SLC30A6: variants seen among roughly 807,000 people sequenced by gnomAD.
SLC30A6 encodes zinc transporter 6.
In SLC30A6, 55 loss-of-function variants were observed where a neutral mutation model predicts 63.0. The observed-to-expected ratio is 0.87, with a 90% CI of 0.70 to 1.09. The LOEUF (loss-of-function observed/expected upper bound fraction) is 1.09. Ranked by LOEUF, SLC30A6 falls within the 50% of genes least tolerant of loss-of-function variation. SLC30A6 has a pLI of 0.00. For missense variants in SLC30A6, 587 were observed against 549.2 expected (o/e 1.07, Z -0.69); for synonymous variants, 224 against 186.1 (o/e 1.20, Z -1.66).
intron 13 of SLC30A6, among the ~76,000 whole-genome samples, chr2:32,218,602 G>A (rs527467647): frequency 4.6e-5 from 7 of 152,132 alleles, no homozygotes; most frequent in African/African-American, 1.7e-4. Flanking sequence ...TGTCTCCCAG[G>A]CTGGAGTGCA....
rs199869061 is a variant in SLC30A6 at position 32,197,318 on chromosome 2, A to G, written c.497-26A>G. 4.3e-4 allele frequency: 687 copies of G among 1,593,316 alleles called. 1 individual carries two copies. Among genetic ancestry groups the G allele is most frequent in the South Asian group, 8.1e-4 (71 of 87,616 alleles). On this transcript the variant is annotated intron_variant, in intron 8 of 13. Coordinates refer to ENST00000282587, the MANE Select transcript of SLC30A6 (RefSeq NM_017964.5). ...AGTGGTTTTTTTTTCTTCTATATAG[A>G]TAATTTAAGTATTTTCTTCTTAAAG...
intron 13 of SLC30A6, among the ~76,000 whole-genome samples, chr2:32,215,512 ATATATT>A (rs1365815464): frequency 1.1e-5 from 1 of 88,502 alleles, no homozygotes; most frequent in African/African-American, 4.4e-5. Context: ...ATATATATAT[ATATATT>A]TTTTTTTTTT....
intron 4 of SLC30A6, among the ~76,000 whole-genome samples, chr2:32,180,558 G>A (rs1028910945): frequency 6.6e-5 from 10 of 151,994 alleles, no homozygotes; most frequent in Admixed American, 1.3e-4. Context: ...TTAGCCGCCC[G>A]AGTAGCTGGG....
At chr2:32,198,102 G>A (rs1016717144) in intron 10 of SLC30A6, among the ~76,000 whole-genome samples, 5 of 152,186 alleles carry the variant, frequency 3.3e-5, no homozygotes, top group African/African-American at 1.2e-4. Flanking sequence ...CAGTAAGAAA[G>A]AGATCTGAGC....
intron 13 of SLC30A6, 98 bp downstream of exon 13, chr2:32,209,659 T>G (rs1685084373): frequency 5.3e-6 from 5 of 938,910 alleles, no homozygotes; most frequent in Middle Eastern, 3.4e-4. Context: ...TTATAGAGCC[T>G]TTGATTCCTA....
chr2:32,201,455 A>T (rs1684286307), intron 10 of SLC30A6: 1 of 407,844 alleles, frequency 2.5e-6, no homozygotes. Flanking sequence ...GATAGATTCC[A>T]TTAGTCTTTC....
intron 5 of SLC30A6, among the ~76,000 whole-genome samples, chr2:32,187,967 A>G (rs898905617): frequency 6.6e-6 from 1 of 152,180 alleles, no homozygotes; most frequent in Non-Finnish European, 1.5e-5. Flanking sequence ...TTAAACCTGT[A>G]TCATATTATC....
At chr2:32,197,577 C>T (rs543754971) in intron 9 of SLC30A6, 130 bp from the exon 10 acceptor site, 887 of 1,401,076 alleles carry the variant, frequency 6.3e-4, no homozygotes, top group Non-Finnish European at 8.1e-4. Flanking sequence ...GGGCTTTGTT[C>T]ACAAATCCTC....
chr2:32,165,887 T>C lies in SLC30A6; in HGVS notation c.-14T>C, dbSNP rs376483259. On this transcript the variant is annotated 5_prime_UTR_variant, in exon 1 of 14. Coordinates refer to ENST00000282587, the MANE Select transcript of SLC30A6 (RefSeq NM_017964.5). ...CCAGAACGGCTTCCGGCGGGAGCTG[T>C]GCAGCTCCTTATCATGGTGAGTTGG... The C allele has an allele frequency of 9.9e-6, 16 of 1,614,038 alleles. No homozygotes were observed. The African/African-American group carries it at 1.7e-4, about 17-fold the overall frequency.
intron 12 of SLC30A6, among the ~76,000 whole-genome samples, chr2:32,208,398 T>G (rs1208615823): frequency 4.6e-5 from 7 of 152,168 alleles, no homozygotes; most frequent in African/African-American, 1.7e-4. Flanking sequence ...CCCAAAATGC[T>G]GGGATTACAG....
At chr2:32,174,700 C>A (rs765335238) in intron 3 of SLC30A6, among the ~76,000 whole-genome samples, 4 of 151,184 alleles carry the variant, frequency 2.6e-5, no homozygotes, top group Non-Finnish European at 4.4e-5. Context: ...ATTACAGGCA[C>A]GTACCACCAC....
intron 13 of SLC30A6, among the ~76,000 whole-genome samples, chr2:32,218,324 A>G (rs1396022847): frequency 6.6e-6 from 1 of 152,148 alleles, no homozygotes; most frequent in Admixed American, 6.5e-5. Flanking sequence ...CAAGTTAACA[A>G]ATATACTTCT....
At position 32,206,899 on chromosome 2, in the gene SLC30A6, A is replaced by G. The variant is rs1684821458; in HGVS notation, c.782A>G (p.His261Arg). The G allele has an allele frequency of 6.2e-7, 1 of 1,611,720 alleles. No individual in the cohort carries two copies. The highest frequency in any genetic ancestry group is 8.5e-7 in the Non-Finnish European group (1 of 1,177,932). ...ATTTTTCCCCAGACAACACCACCCC[A>G]TGTTATTGGTCAGTTGGACAAACTC... ...GKVLLQTTPP[H>R]VIGQLDKLIR... Residue 261 changes from histidine (H) to arginine (R), a missense_variant, in exon 12 of 14, where the codon CAT (histidine) becomes CGT (arginine). Physicochemically the swap from His to Arg is conservative, Grantham distance 29 (BLOSUM62 0). Transcript: ENST00000282587.
At chr2:32,195,730 C>G (rs753569904) in intron 8 of SLC30A6, among the ~76,000 whole-genome samples, 60 of 151,426 alleles carry the variant, frequency 4.0e-4, no homozygotes, top group Admixed American at 5.9e-4. Context: ...TTAATAGAGA[C>G]AAAGTCTACC....
chr2:32,216,539 AAAT>A (rs1433079670), intron 13 of SLC30A6, among the ~76,000 whole-genome samples: 2 of 24,928 alleles, frequency 8.0e-5, no homozygotes, highest in African/African-American at 5.6e-4. Context: ...CTCTCAAAAT[AAAT>A]AAATAAATAA....
At chr2:32,174,237 A>G in intron 3 of SLC30A6, 90 bp downstream of exon 3, 1 of 907,112 alleles carries the variant, frequency 1.1e-6, no homozygotes, top group Non-Finnish European at 1.7e-6. Context: ...AGAATATATT[A>G]TTCTGAAATG....
intron 5 of SLC30A6, among the ~76,000 whole-genome samples, chr2:32,189,914 T>C (rs1487735715): frequency 1.3e-5 from 2 of 152,172 alleles, no homozygotes; most frequent in African/African-American, 4.8e-5. Context: ...ATTGTCTTTT[T>C]TCATAAAGGC....
At chr2:32,175,007 A>G (rs1377541555) in intron 3 of SLC30A6, among the ~76,000 whole-genome samples, 2 of 152,140 alleles carry the variant, frequency 1.3e-5, no homozygotes, top group African/African-American at 2.4e-5. Context: ...TTGTTCAGTT[A>G]TTCAAACAAT....
In SLC30A6 at chr2:32,215,283, C is replaced by T. The variant is rs569033290; in HGVS notation, c.886-4930C>T. Among the ~76,000 whole-genome samples, 15 of 152,138 alleles carry T rather than the reference C, an allele frequency of 9.9e-5. No individual in the cohort carries two copies. The South Asian group carries it at 1.2e-3, about 13-fold the overall frequency. On this transcript the variant is annotated intron_variant, in intron 13 of 13. Transcript: ENST00000282587. ...GATCTTGGCTCACTGCAACATCTGC[C>T]TCATGGGCTCAAGCCATCCTCACAC...
Sources: gnomAD v4.1 joint callset for allele counts (sites outside exome capture counted in the v4.1 genomes callset) on GRCh38, gnomAD v4.1.1 for gene constraint, MANE v1.5 for transcripts, NCBI Gene and HGNC (gene_info 2026-07-23, HGNC 2026-07-21) for gene names.